The following PSCA variants were observed in gnomAD, a reference collection of about 807,000 sequenced individuals.
PSCA encodes prostate stem cell antigen.
In PSCA, 7 loss-of-function variants were observed where a neutral mutation model predicts 7.9. That is an observed-to-expected ratio of 0.89 (90% confidence interval 0.51 to 1.67). The LOEUF (loss-of-function observed/expected upper bound fraction) is 1.67, where lower values mean the gene tolerates loss of function less well. PSCA is among the 40% of genes most tolerant of loss of function. The probability of loss-of-function intolerance (pLI) is 0.00; values close to 1 mark genes in which losing one functional copy is unlikely to be tolerated. For synonymous variants in PSCA, 61 were observed against 68.3 expected, an observed-to-expected ratio of 0.89 and a Z score of 0.53; for missense variants, 151 against 147.9, an observed-to-expected ratio of 1.02 and a Z score of -0.11.
Position 142,673,372 on chromosome 8 carries a change from A to G in PSCA, n.261+2804A>G, listed in dbSNP as rs1279680727. Among the ~76,000 whole-genome samples, 3 of 152,106 alleles carry G rather than the reference A, an allele frequency of 2.0e-5. No homozygotes were observed. Among genetic ancestry groups the G allele is most frequent in the African/African-American group, 7.2e-5 (3 of 41,400 alleles). ...TGGGGCTCCTCCAGGTGCTCCTACC[A>G]TTACTCACGGAACCTTGGGCCTCTT... On this transcript the variant is annotated intron_variant and non_coding_transcript_variant, in intron 1 of 1. Transcript: ENST00000505305. The surrounding 1 kb of genome is among the most constrained non-coding windows in gnomAD (Gnocchi z 4.6).
At chr8:142,681,658 T>C in intron 2 of PSCA, 1 of 614,826 alleles carries the variant, frequency 1.6e-6, no homozygotes, top group Non-Finnish European at 2.9e-6. Context: ...CTTCCACTCC[T>C]CCACCCATCT....
At chr8:142,679,337 G>C (rs587657271), upstream of PSCA, among the ~76,000 whole-genome samples, 2 of 152,360 alleles carry the variant, frequency 1.3e-5, no homozygotes, top group South Asian at 4.1e-4. Context: ...CTAGCCCAGG[G>C]CTCAGCCCAC....
At chr8:142,681,178 G>A (rs587725234) in intron 1 of PSCA, 149 bp from the exon 2 acceptor site, 16 of 607,306 alleles carry the variant, frequency 2.6e-5, no homozygotes, top group South Asian at 7.8e-5. Context: ...GCAGGGGGCC[G>A]TGAAGATGGG....
Position 142,682,372 on chromosome 8 carries a change from A to C in PSCA, c.*240A>C. On this transcript the variant is annotated 3_prime_UTR_variant, in exon 3 of 3. Coordinates refer to ENST00000301258, the MANE Select transcript of PSCA (RefSeq NM_005672.5). ...GATCCGCCTGCAGATGGCCCCTCCA[A>C]CCCTCTCTGCTGCTGTTTCCATGGC... 1 of 698,538 alleles carries C rather than the reference A, an allele frequency of 1.4e-6. No homozygotes were observed. The highest frequency in any genetic ancestry group is 2.6e-6 in the Non-Finnish European group (1 of 383,458). The allele number at this position is 698,538 out of a possible 1,614,324, so 43.3% of individuals were successfully genotyped here.
chr8:142,676,766 T>C (rs1242720081), upstream of PSCA: 2 of 152,134 alleles, frequency 1.3e-5, no homozygotes, highest in Non-Finnish European at 2.9e-5. Context: ...GGAATCACAA[T>C]AGAGAAAGAG....
Position 142,681,382 on chromosome 8 carries a change from G to A in PSCA, c.81G>A (p.Leu27=). ...CKAQVSNEDC[L]QVENCTQLGE... is the part of the protein sequence containing the mutation. Reference sequence around the variant, plus strand: ...CCCAGGTGAGCAACGAGGACTGCCTGCAGGTGGAGAACTGCACCCAGCTGG... The same window carrying A: ...CCCAGGTGAGCAACGAGGACTGCCTACAGGTGGAGAACTGCACCCAGCTGG... Residue 27 remains leucine, a synonymous_variant, in exon 2 of 3, where the codon CTG becomes CTA. Transcript: ENST00000301258. The A allele has an allele frequency of 6.3e-7, 1 of 1,591,794 alleles. No individual in the cohort carries two copies. Among genetic ancestry groups the A allele is most frequent in the South Asian group, 1.1e-5 (1 of 87,218 alleles).
intron 1 of PSCA, 180 bp downstream of exon 1, chr8:142,680,743 C>A: frequency 1.3e-6 from 1 of 788,554 alleles, no homozygotes; most frequent in Non-Finnish European, 2.0e-6. Flanking sequence ...CAGGCAGCGA[C>A]CTGTTCCCTG....
At chr8:142,677,785 C>T (rs1554637943), upstream of PSCA, among the ~76,000 whole-genome samples, 1 of 152,160 alleles carries the variant, frequency 6.6e-6, no homozygotes, top group African/African-American at 2.4e-5. Context: ...AGGCTGCAGT[C>T]ACCCTGCATG....
chr8:142,681,378 G>T lies in PSCA; in HGVS notation c.77G>T (p.Cys26Phe). The T allele has an allele frequency of 6.3e-7, 1 of 1,590,420 alleles. No homozygotes were observed. The highest frequency in any genetic ancestry group is 8.6e-7 in the Non-Finnish European group (1 of 1,168,608). Residue 26 changes from cysteine to phenylalanine, a missense_variant, in exon 2 of 3, where the codon TGC becomes TTC. Cys to Phe is a radical substitution (Grantham distance 205). Coordinates refer to ENST00000301258, the MANE Select transcript of PSCA (RefSeq NM_005672.5). ...AAAGCCCAGGTGAGCAACGAGGACT[G>T]CCTGCAGGTGGAGAACTGCACCCAG... ...SCKAQVSNEDCLQVENCTQLG... is the reference protein window; with the variant it reads ...SCKAQVSNEDFLQVENCTQLG...
At chr8:142,678,040 A>AC (rs1847418443), upstream of PSCA, among the ~76,000 whole-genome samples, 1 of 152,122 alleles carries the variant, frequency 6.6e-6, no homozygotes, top group Non-Finnish European at 1.5e-5. Flanking sequence ...CCTTGATCCC[A>AC]GACTCAAGGT....
chr8:142,680,421 G>A (rs1847448177), upstream of PSCA: 20 of 1,291,774 alleles, frequency 1.5e-5, no homozygotes, highest in South Asian at 3.9e-5. Flanking sequence ...CAGGAAACCC[G>A]CTGGTGTTGA....
At chr8:142,672,712 TAGAC>T (rs1189063484) in intron 1 of PSCA, among the ~76,000 whole-genome samples, 3 of 152,122 alleles carry the variant, frequency 2.0e-5, no homozygotes, top group East Asian at 1.9e-4. Context: ...GAAAGTTTAA[TAGAC>T]AGAAGAAAGG....
upstream of PSCA, among the ~76,000 whole-genome samples, chr8:142,677,287 G>C (rs782238067): frequency 1.3e-5 from 2 of 152,210 alleles, no homozygotes; most frequent in Non-Finnish European, 2.9e-5. Flanking sequence ...CACCCTCAGT[G>C]CGGCGGATGC....
At chr8:142,675,530 C>T (rs1342732415), upstream of PSCA, among the ~76,000 whole-genome samples, 2 of 152,222 alleles carry the variant, frequency 1.3e-5, no homozygotes, top group Non-Finnish European at 2.9e-5. Context: ...GGCCCCAACA[C>T]ACCCACATTT....
In PSCA at chr8:142,682,137, T is replaced by C; in HGVS notation, c.*5T>C. On this transcript the variant is annotated 3_prime_UTR_variant, in exon 3 of 3. Transcript: ENST00000301258. The stretch of plus-strand genomic sequence containing the variant: ...TGGGGACCCGGCCAGCTCTAGGCTC[T>C]GGGGGGCCCCGCTGCAGCCCACACT... The C allele has an allele frequency of 6.3e-7, 1 of 1,596,822 alleles. No individual in the cohort carries two copies. Among genetic ancestry groups the C allele is most frequent in the Non-Finnish European group, 8.5e-7 (1 of 1,178,170 alleles).
In PSCA at chr8:142,680,912, G is replaced by A. The variant is rs181735889; in HGVS notation, c.25+349G>A. 23 of 508,390 alleles carry A rather than the reference G, an allele frequency of 4.5e-5. No homozygotes were observed. In the East Asian group the frequency reaches 7.6e-4, roughly 17 times the overall value. 31.5% of individuals were successfully genotyped at this position (508,390 alleles called of 1,614,324 possible). On this transcript the variant is annotated intron_variant, in intron 1 of 2. Transcript: ENST00000301258. ...GGGAGACATGGGACAGGAAGCCTCA[G>A]GCTAAGAAGTGGTTTTTGGGGCACA...
Position 142,671,686 on chromosome 8 carries a change from G to A in PSCA, n.261+1118G>A, listed in dbSNP as rs77287652. 6.0e-3 allele frequency among the ~76,000 whole-genome samples: 907 copies of A among 152,192 alleles called. 9 individuals carry two copies. The highest frequency in any genetic ancestry group is 0.021 in the African/African-American group (865 of 41,488). ...CCTGCCTCAACCCCCAGAGTAGCTG[G>A]GACTACAAGCATGCACTGTCTCACC... is the stretch of plus-strand genomic sequence containing the variant. On this transcript the variant is annotated intron_variant and non_coding_transcript_variant, in intron 1 of 1. Transcript: ENST00000505305.
intron 1 of PSCA, 45 bp downstream of exon 1, chr8:142,680,608 G>T: frequency 6.4e-7 from 1 of 1,551,246 alleles, no homozygotes. Flanking sequence ...GCAGGGGTGA[G>T]CCGGGGAGGC....
In PSCA at chr8:142,672,128, A is replaced by AGCCCAGCCTTGCTCCG. The variant is rs1554637430; in HGVS notation, n.261+1560_261+1561insGCCCAGCCTTGCTCCG. Among the ~76,000 whole-genome samples, 522 of 152,132 alleles carry AGCCCAGCCTTGCTCCG rather than the reference A, an allele frequency of 3.4e-3. 3 individuals are homozygous for AGCCCAGCCTTGCTCCG. The highest frequency in any genetic ancestry group is 5.0e-3 in the Non-Finnish European group (340 of 67,966). ...TGATCCTCCAGCCCAGCCTTGCTCC[A>AGCCCAGCCTTGCTCCG]TCTGCATTGCCCCCACCTTCATGAA... On this transcript the variant is annotated intron_variant and non_coding_transcript_variant, in intron 1 of 1. Coordinates refer to the PSCA transcript ENST00000505305.
Sources: allele counts gnomAD v4.1 joint callset (sites outside exome capture counted in the v4.1 genomes callset), GRCh38; gene constraint gnomAD v4.1.1; non-coding constraint Gnocchi (gnomAD v3.1); transcripts MANE v1.5; gene names NCBI Gene and HGNC (gene_info 2026-07-23, HGNC 2026-07-21).